NOL4: variants seen among roughly 807,000 people sequenced by gnomAD.
NOL4 encodes cancer/testis antigen 125.
NOL4 carries 17 observed loss-of-function variants against 75.9 expected under a neutral mutation model. The ratio of observed to expected loss-of-function variants is 0.22; its 90% CI spans 0.15 to 0.34. The LOEUF is 0.34. Ranked by LOEUF, NOL4 falls within the 10% of genes least tolerant of loss-of-function variation. The probability of loss-of-function intolerance (pLI) is 1.00; values close to 1 mark genes in which losing one functional copy is unlikely to be tolerated. For missense variants in NOL4, 614 were observed against 793.5 expected, an observed-to-expected ratio of 0.77 and a Z score of 2.72; for synonymous variants, 292 against 289.9, an observed-to-expected ratio of 1.01 and a Z score of -0.07.
At chr18:34,191,527 T>A (rs1005248496) in intron 1 of NOL4, among the ~76,000 whole-genome samples, 6 of 152,184 alleles carry the variant, frequency 3.9e-5, no homozygotes, top group African/African-American at 1.4e-4. Context: ...AATTTTATCC[T>A]TTGTCATCCA....
At chr18:33,884,181 T>G (rs927585553) in intron 9 of NOL4, among the ~76,000 whole-genome samples, 1 of 152,138 alleles carries the variant, frequency 6.6e-6, no homozygotes, top group African/African-American at 2.4e-5. Flanking sequence ...AAATATTTAA[T>G]AAAAGTTGGG....
chr18:33,870,715 C>A lies in NOL4; in HGVS notation c.1723+12529G>T, dbSNP rs144455293. 4.6e-3 allele frequency among the ~76,000 whole-genome samples: 693 copies of A among 151,920 alleles called. 8 individuals are homozygous for A. The highest frequency in any genetic ancestry group is 5.9e-3 in the Non-Finnish European group (399 of 67,918). The stretch of plus-strand genomic sequence containing the variant: ...AGGAATAAAATGTAAAAAAAAAATT[C>A]TTGTAATATTGTCCCAAATAACACA... On this transcript the variant is annotated intron_variant, in intron 10 of 10. Coordinates refer to ENST00000261592, the MANE Select transcript of NOL4 (RefSeq NM_003787.5).
At chr18:33,987,363 G>A (rs2072544110) in intron 6 of NOL4, among the ~76,000 whole-genome samples, 1 of 152,036 alleles carries the variant, frequency 6.6e-6, no homozygotes, top group Non-Finnish European at 1.5e-5. Context: ...TTGATCACGA[G>A]AATGACTGGA....
intron 2 of NOL4, among the ~76,000 whole-genome samples, chr18:34,107,982 G>A (rs533337385): frequency 4.6e-5 from 7 of 152,252 alleles, no homozygotes; most frequent in South Asian, 2.1e-4. Context: ...TCAAACCCAT[G>A]CAGCACAACT....
chr18:34,111,476 T>C (rs559152404), intron 2 of NOL4, among the ~76,000 whole-genome samples: 1 of 152,268 alleles, frequency 6.6e-6, no homozygotes, highest in South Asian at 2.1e-4. Context: ...GGGGGCTTGC[T>C]TGTCTCTTCT....
At chr18:33,994,259 C>A (rs2073120558) in intron 6 of NOL4, among the ~76,000 whole-genome samples, 1 of 151,534 alleles carries the variant, frequency 6.6e-6, no homozygotes, top group Non-Finnish European at 1.5e-5. Flanking sequence ...GGCAGAGGAA[C>A]AACAACAAAA....
At chr18:34,132,148 T>C (rs1036873369) in intron 1 of NOL4, among the ~76,000 whole-genome samples, 3 of 152,218 alleles carry the variant, frequency 2.0e-5, no homozygotes, top group Non-Finnish European at 4.4e-5. Context: ...TTGTCTCTTC[T>C]GTGCATCTCT....
At chr18:34,021,778 T>C (rs924119370) in intron 5 of NOL4, among the ~76,000 whole-genome samples, 1 of 152,014 alleles carries the variant, frequency 6.6e-6, no homozygotes, top group African/African-American at 2.4e-5. Flanking sequence ...CTAGTAGTAA[T>C]GGAATAGGCA....
chr18:34,171,799 T>C (rs565359179), intron 1 of NOL4, among the ~76,000 whole-genome samples: 1 of 152,310 alleles, frequency 6.6e-6, no homozygotes, highest in South Asian at 2.1e-4. Context: ...TGACCATGAC[T>C]TTTATCAAGT....
At chr18:34,165,156 G>T (rs560884994) in intron 1 of NOL4, among the ~76,000 whole-genome samples, 1 of 151,778 alleles carries the variant, frequency 6.6e-6, no homozygotes, top group Non-Finnish European at 1.5e-5. Context: ...ACGAGTTAAT[G>T]GGTGCAGCAC....
intron 9 of NOL4, among the ~76,000 whole-genome samples, chr18:33,892,478 T>TTATGAGTTCCC (rs1399841827): frequency 2.0e-5 from 3 of 152,066 alleles, no homozygotes; most frequent in Non-Finnish European, 2.9e-5. Flanking sequence ...ATAATCATCA[T>TTATGAGTTCCC]TATGAGTTCC....
At chr18:34,045,051 G>A (rs895007948) in intron 5 of NOL4, among the ~76,000 whole-genome samples, 24 of 151,938 alleles carry the variant, frequency 1.6e-4, no homozygotes, top group African/African-American at 5.8e-4. Flanking sequence ...TCTGTTATTT[G>A]GATGAAGCCA....
chr18:33,975,005 T>C (rs541971333), intron 6 of NOL4, among the ~76,000 whole-genome samples: 1 of 152,348 alleles, frequency 6.6e-6, no homozygotes, highest in Non-Finnish European at 1.5e-5. Context: ...AAGGAAATCC[T>C]ATCACACACT....
rs566414165 is a variant in NOL4, at chr18:34,124,371, A to AT, written c.414+5499dup. On this transcript the variant is annotated intron_variant, in intron 2 of 10. Coordinates refer to ENST00000261592, the MANE Select transcript of NOL4 (RefSeq NM_003787.5). ...TATGAGTGAATTGTGCCTAGAGAGT[A>AT]TTTTTTTCTAAGAAATGTATGTAAT... Among the ~76,000 whole-genome samples, 244 of 152,232 alleles carry AT rather than the reference A, an allele frequency of 1.6e-3. 3 individuals carry two copies. Among genetic ancestry groups the AT allele is most frequent in the African/African-American group, 5.6e-3 (233 of 41,542 alleles).
chr18:33,924,581 G>A (rs753157211), intron 9 of NOL4, among the ~76,000 whole-genome samples: 26 of 152,070 alleles, frequency 1.7e-4, no homozygotes, highest in African/African-American at 2.2e-4. Context: ...TATTTATTAC[G>A]TACCTACCCT....
intron 5 of NOL4, among the ~76,000 whole-genome samples, chr18:34,058,504 T>C (rs1407769750): frequency 2.6e-5 from 4 of 152,158 alleles, no homozygotes; most frequent in Non-Finnish European, 5.9e-5. Context: ...TTTCTAAAAT[T>C]TTCTCCTGCT....
At chr18:34,049,074 GCACACACACACACACA>G (rs1163959249) in intron 5 of NOL4, among the ~76,000 whole-genome samples, 18 of 64,786 alleles carry the variant, frequency 2.8e-4, no homozygotes, top group African/African-American at 7.4e-4. Context: ...ACAGGCGCGC[GCACACACACACACACA>G]CACACACACA....
chr18:33,895,510 G>T (rs997718550), intron 9 of NOL4, among the ~76,000 whole-genome samples: 1 of 151,944 alleles, frequency 6.6e-6, no homozygotes, highest in Non-Finnish European at 1.5e-5. Flanking sequence ...TTTTCTGGAG[G>T]TTCAAAAATG....
chr18:33,994,665 T>C (rs937988187), intron 6 of NOL4, among the ~76,000 whole-genome samples: 2 of 151,694 alleles, frequency 1.3e-5, no homozygotes, highest in Non-Finnish European at 3.0e-5. Flanking sequence ...AATTTCTAGC[T>C]GTAGGCACTT....
Sources: allele counts gnomAD v4.1 joint callset (sites outside exome capture counted in the v4.1 genomes callset), GRCh38; gene constraint gnomAD v4.1.1; transcripts MANE v1.5; gene names NCBI Gene and HGNC (gene_info 2026-07-23, HGNC 2026-07-21).